SORT1: variants seen among roughly 807,000 people sequenced by gnomAD.
SORT1 encodes the protein sortilin.
In SORT1, 39 loss-of-function variants were observed where a neutral mutation model predicts 101.7. The ratio of observed to expected loss-of-function variants is 0.38; its 90% CI spans 0.30 to 0.50. The LOEUF (loss-of-function observed/expected upper bound fraction) is 0.50, where lower values mean the gene tolerates loss of function less well. Among genes scored for constraint, SORT1 ranks in the 20% least tolerant of loss-of-function variants. SORT1 has a pLI of 0.90. For missense variants in SORT1, 878 were observed against 1,040.4 expected, an observed-to-expected ratio of 0.84 and a Z score of 2.15; for synonymous variants, 396 against 393.7, an observed-to-expected ratio of 1.01 and a Z score of -0.07.
intron 1 of SORT1, among the ~76,000 whole-genome samples, chr1:109,395,901 CCT>C (rs1296457969): frequency 1.3e-5 from 2 of 151,898 alleles, no homozygotes; most frequent in African/African-American, 4.8e-5. Flanking sequence ...ATGGCAAAAC[CCT>C]GTTTCTTAAA....
At chr1:109,397,531 G>T in intron 1 of SORT1, 56 bp downstream of exon 1, 1 of 1,073,726 alleles carries the variant, frequency 9.3e-7, no homozygotes, top group Non-Finnish European at 1.1e-6. Flanking sequence ...GGGCCGGGAG[G>T]GGCACGCGGG....
At chr1:109,357,435 C>T (rs1364376770) in intron 3 of SORT1, among the ~76,000 whole-genome samples, 1 of 152,236 alleles carries the variant, frequency 6.6e-6, no homozygotes, top group East Asian at 1.9e-4. Flanking sequence ...TCTTGTCCAA[C>T]TCCCTCATTT....
intron 1 of SORT1, chr1:109,392,989 G>C: frequency 1.0e-6 from 1 of 985,486 alleles, no homozygotes; most frequent in Non-Finnish European, 1.2e-6. Context: ...TGGAAGAAAT[G>C]AGGCAGTTAG....
chr1:109,314,407 C>G (rs750515890), intron 18 of SORT1, 23 bp from the exon 19 acceptor site: 2 of 1,612,638 alleles, frequency 1.2e-6, no homozygotes, highest in Non-Finnish European at 1.7e-6. Context: ...ACCTCCTTAA[C>G]ACTCGGTGGT....
chr1:109,343,064 T>C (rs1649333614), intron 8 of SORT1, among the ~76,000 whole-genome samples: 1 of 152,166 alleles, frequency 6.6e-6, no homozygotes, highest in Admixed American at 6.5e-5. Context: ...ATACCATATA[T>C]GCAGTATAGC....
In SORT1 at chr1:109,323,139, T is replaced by C; in HGVS notation, c.1835-18A>G. ...CTCTTCACCTAAAGGAGAGACACAC[T>C]GTTCAGGAAAGTACACAGCACAGAA... On this transcript the variant is annotated intron_variant, in intron 14 of 19. Transcript: ENST00000256637. The C allele has an allele frequency of 6.2e-7, 1 of 1,605,808 alleles. No homozygotes were observed. The highest frequency in any genetic ancestry group is 8.5e-7 in the Non-Finnish European group (1 of 1,172,752).
intron 16 of SORT1, 77 bp downstream of exon 16, chr1:109,317,776 C>CA (rs1647327202): frequency 1.0e-6 from 1 of 988,008 alleles, no homozygotes; most frequent in African/African-American, 1.6e-5. Context: ...GCTTGGATCT[C>CA]AGTGTGGAGA....
intron 8 of SORT1, among the ~76,000 whole-genome samples, chr1:109,344,823 A>G (rs955570297): frequency 5.3e-5 from 8 of 152,154 alleles, no homozygotes; most frequent in African/African-American, 1.7e-4. Flanking sequence ...CAGCCTCCCA[A>G]GTAGCTGAGA....
rs35552184 is a variant in SORT1, at chr1:109,325,231, C to CTTT, written c.1644-145_1644-143dup. On this transcript the variant is annotated intron_variant, in intron 13 of 19. Coordinates refer to ENST00000256637, the MANE Select transcript of SORT1 (RefSeq NM_002959.7). ...GCTTATTGGCTGACAATTATTTTAA[C>CTTT]TTTTTTTTTTTTTTTTTTTTTTTCT... 230 of 190,424 alleles carry CTTT rather than the reference C, an allele frequency of 1.2e-3. 1 individual carries two copies. Among genetic ancestry groups the CTTT allele is most frequent in the African/African-American group, 3.3e-3 (89 of 27,014 alleles). The allele number at this position is 190,424 out of a possible 1,614,324, so 11.8% of individuals were successfully genotyped here.
At chr1:109,336,709 C>T (rs538454863) in intron 10 of SORT1, among the ~76,000 whole-genome samples, 16 of 150,892 alleles carry the variant, frequency 1.1e-4, no homozygotes, top group South Asian at 2.1e-4. Flanking sequence ...CTCGGGAGGC[C>T]GGGACAGGAG....
chr1:109,334,073 G>A (rs1342596678), intron 11 of SORT1, among the ~76,000 whole-genome samples: 1 of 152,142 alleles, frequency 6.6e-6, no homozygotes, highest in Non-Finnish European at 1.5e-5. Flanking sequence ...CTGAACCCGG[G>A]AGGCGGAGGT....
intron 11 of SORT1, among the ~76,000 whole-genome samples, chr1:109,330,790 T>C (rs992477569): frequency 2.6e-5 from 4 of 151,880 alleles, no homozygotes; most frequent in Admixed American, 2.6e-4. Context: ...CATTATAACT[T>C]ATACTACAGA....
intron 11 of SORT1, among the ~76,000 whole-genome samples, chr1:109,334,129 G>C (rs1222603059): frequency 6.6e-6 from 1 of 152,112 alleles, no homozygotes; most frequent in South Asian, 2.1e-4. Context: ...CTTGGTGACG[G>C]GGCAAGACTG....
chr1:109,328,390 T>TG (rs1399524699), intron 11 of SORT1, among the ~76,000 whole-genome samples: 4 of 152,342 alleles, frequency 2.6e-5, no homozygotes, highest in South Asian at 4.1e-4. Flanking sequence ...TCCATATCCT[T>TG]GCCAACACTT....
Position 109,397,759 on chromosome 1 carries a change from G to A in SORT1, c.134C>T (p.Ala45Val), listed in dbSNP as rs1208954848. The A allele has an allele frequency of 2.5e-6, 3 of 1,202,846 alleles. No individual in the cohort carries two copies. The highest frequency in any genetic ancestry group is 2.6e-5 in the South Asian group (1 of 38,238). The allele number at this position is 1,202,846 out of a possible 1,614,324, so 74.5% of individuals were successfully genotyped here. ...DRLDAPPPPA[A>V]PLPRWSGPIG... ...GGGGCCAGACCAGCGCGGCAGCGGC[G>A]CAGCGGGCGGCGGCGGCGCGTCCAG... is the stretch of plus-strand genomic sequence containing the variant. The change falls in exon 1 of 20, where the codon GCG becomes GTG. Residue 45 changes from alanine to valine, a missense_variant. Around this residue, in one of 2 missense-constraint regions of SORT1, gnomAD observed 194 missense variants for 145.9 expected, o/e 1.33. Coordinates refer to ENST00000256637, the MANE Select transcript of SORT1 (RefSeq NM_002959.7).
chr1:109,396,885 G>A lies in SORT1; in HGVS notation c.306+702C>T, dbSNP rs558460390. Among the ~76,000 whole-genome samples the A allele has an allele frequency of 2.4e-4, 36 of 152,354 alleles. No homozygotes were observed. In the South Asian group the frequency reaches 7.0e-3, roughly 30 times the overall value. ...TTTTGTCAGTCCAGTAGTGTGCAAAGGTTGAGCTGCTTGTCCCCAGGGACA... is the reference window on the plus strand; with the variant it reads ...TTTTGTCAGTCCAGTAGTGTGCAAAAGTTGAGCTGCTTGTCCCCAGGGACA... On this transcript the variant is annotated intron_variant, in intron 1 of 19. Transcript: ENST00000256637.
intron 1 of SORT1, among the ~76,000 whole-genome samples, chr1:109,381,826 T>C (rs1189734879): frequency 1.3e-5 from 2 of 152,004 alleles, no homozygotes; most frequent in Non-Finnish European, 2.9e-5. Flanking sequence ...ATTGTGCCAC[T>C]GCACTCTAGT....
intron 15 of SORT1, among the ~76,000 whole-genome samples, chr1:109,318,639 C>A (rs187081967): frequency 8.2e-4 from 125 of 152,170 alleles, no homozygotes; most frequent in Admixed American, 1.7e-3. Context: ...GGATACTTGG[C>A]AATTCTTTTC....
At chr1:109,357,183 A>G (rs1039091313) in intron 3 of SORT1, among the ~76,000 whole-genome samples, 1 of 152,240 alleles carries the variant, frequency 6.6e-6, no homozygotes, top group Non-Finnish European at 1.5e-5. Context: ...TTGCCTAGGA[A>G]CAAGAAGTTA....
Sources: allele counts gnomAD v4.1 joint callset (sites outside exome capture counted in the v4.1 genomes callset), GRCh38; gene constraint gnomAD v4.1.1; regional missense constraint gnomAD v4.1.1; transcripts MANE v1.5; gene names NCBI Gene and HGNC (gene_info 2026-07-23, HGNC 2026-07-21).